NTM: variants seen among roughly 807,000 people sequenced by gnomAD.
The protein encoded by NTM is neurotrimin.
NTM carries 13 observed loss-of-function variants against 42.1 expected under a neutral mutation model. That is an observed-to-expected ratio of 0.31 (90% CI 0.20 to 0.49). The LOEUF is 0.49. Among genes scored for constraint, NTM ranks in the 20% least tolerant of loss-of-function variants. The pLI is 0.99. For synonymous variants in NTM, 187 were observed against 179.2 expected (o/e 1.04, Z -0.35); for missense variants, 373 against 452.8 (o/e 0.82, Z 1.60).
At chr11:131,419,174 ACAAAC>A (rs1947257788) in intron 1 of NTM, among the ~76,000 whole-genome samples, 2 of 152,114 alleles carry the variant, frequency 1.3e-5, no homozygotes, top group Admixed American at 1.3e-4. Context: ...AAACAAACAA[ACAAAC>A]AAACAAAAAC....
chr11:131,714,421 C>G (rs982788527), intron 1 of NTM, among the ~76,000 whole-genome samples: 19 of 152,100 alleles, frequency 1.2e-4, no homozygotes, highest in Admixed American at 5.9e-4. Flanking sequence ...GAACTCCTGA[C>G]TTCAGGTGAT....
At chr11:131,904,375 G>A (rs2053575749) in intron 1 of NTM, among the ~76,000 whole-genome samples, 1 of 152,132 alleles carries the variant, frequency 6.6e-6, no homozygotes, top group Admixed American at 6.5e-5. Flanking sequence ...GGCTCTTTCT[G>A]TTTGAGAAGG....
chr11:131,903,311 C>T (rs1436865331), intron 1 of NTM, among the ~76,000 whole-genome samples: 1 of 152,188 alleles, frequency 6.6e-6, no homozygotes, highest in African/African-American at 2.4e-5. Flanking sequence ...CATGTCCCAG[C>T]TAGGCTTTAG....
At chr11:131,375,342 T>A (rs1297704299) in intron 1 of NTM, among the ~76,000 whole-genome samples, 1 of 152,250 alleles carries the variant, frequency 6.6e-6, no homozygotes, top group Non-Finnish European at 1.5e-5. Context: ...TTCTGCTCTA[T>A]TGTCTTGTTA....
At chr11:131,866,621 T>C (rs1335632521) in intron 1 of NTM, among the ~76,000 whole-genome samples, 5 of 152,242 alleles carry the variant, frequency 3.3e-5, no homozygotes, top group African/African-American at 4.8e-5. Flanking sequence ...GCGCCCTCCA[T>C]GGCGCCCAAG....
chr11:131,580,499 C>G (rs1408272034), intron 1 of NTM, among the ~76,000 whole-genome samples: 1 of 151,946 alleles, frequency 6.6e-6, no homozygotes, highest in Admixed American at 6.6e-5. Flanking sequence ...AGAGAGAGAA[C>G]AAAGGTTAAG....
intron 1 of NTM, among the ~76,000 whole-genome samples, chr11:131,437,536 T>C (rs1949249426): frequency 6.6e-6 from 1 of 152,040 alleles, no homozygotes; most frequent in Admixed American, 6.5e-5. Context: ...TATCATTATG[T>C]AATGGCCTTC....
intron 7 of NTM, among the ~76,000 whole-genome samples, chr11:132,327,733 G>C (rs2095712858): frequency 1.3e-5 from 2 of 152,044 alleles, no homozygotes; most frequent in South Asian, 4.2e-4. Flanking sequence ...TGGGATGGGA[G>C]GGTTCTTTTT....
intron 2 of NTM, among the ~76,000 whole-genome samples, chr11:131,930,601 C>G (rs1449547768): frequency 6.6e-6 from 1 of 152,020 alleles, no homozygotes; most frequent in Non-Finnish European, 1.5e-5. Context: ...AGAAATAGAA[C>G]CTTCTATTAC....
At chr11:131,536,497 T>C (rs1242682055) in intron 1 of NTM, 3 of 152,218 alleles carry the variant, frequency 2.0e-5, no homozygotes, top group Non-Finnish European at 4.4e-5. Flanking sequence ...AAAGTTTTTA[T>C]TATTTTTATA....
intron 3 of NTM, among the ~76,000 whole-genome samples, chr11:132,164,127 C>T (rs1243274900): frequency 6.6e-6 from 1 of 152,178 alleles, no homozygotes; most frequent in Middle Eastern, 3.2e-3. Flanking sequence ...TGTGAGGGAA[C>T]AAAATACAAT....
chr11:132,072,913 G>A (rs577070455), intron 2 of NTM, among the ~76,000 whole-genome samples: 1 of 152,282 alleles, frequency 6.6e-6, no homozygotes, highest in African/African-American at 2.4e-5. Flanking sequence ...GAACTCTTCT[G>A]AGAGAATAAG....
intron 1 of NTM, among the ~76,000 whole-genome samples, chr11:131,428,880 C>CAAAAAAAAAAAAAAAAA (rs35312475): frequency 6.0e-5 from 5 of 84,008 alleles, no homozygotes; most frequent in African/African-American, 9.3e-5. Flanking sequence ...ACTAAAAATA[C>CAAAAAAAAAAAAAAAAA]AAAAAAAAAA....
chr11:131,373,250 A>G (rs911609820), intron 1 of NTM, among the ~76,000 whole-genome samples: 6 of 152,170 alleles, frequency 3.9e-5, no homozygotes, highest in African/African-American at 1.4e-4. Flanking sequence ...GCCTGCAATA[A>G]TCCACCCCTA....
intron 1 of NTM, among the ~76,000 whole-genome samples, chr11:131,900,065 T>C (rs1248281346): frequency 6.6e-6 from 1 of 151,926 alleles, no homozygotes; most frequent in Non-Finnish European, 1.5e-5. Context: ...GTATTCTGAG[T>C]GTTATGCGAG....
chr11:131,587,446 C>T (rs1410210387), intron 1 of NTM, among the ~76,000 whole-genome samples: 1 of 141,596 alleles, frequency 7.1e-6, no homozygotes, highest in African/African-American at 2.6e-5. Flanking sequence ...AGACTCTGTC[C>T]AAAAAAAAAA....
Position 131,696,913 on chromosome 11 carries a change from T to C in NTM, c.83-214651T>C, listed in dbSNP as rs191176482. Reference sequence around the variant, plus strand: ...TTTAAAGGACTGACATTCCTCGGGTTATGGAAAACAATAATAATAAATCTT... The same window carrying C: ...TTTAAAGGACTGACATTCCTCGGGTCATGGAAAACAATAATAATAAATCTT... On this transcript the variant is annotated intron_variant, in intron 1 of 8. Transcript: ENST00000683400. Among the ~76,000 whole-genome samples, 416 of 152,238 alleles carry C rather than the reference T, an allele frequency of 2.7e-3. 2 individuals are homozygous for C. The highest frequency in any genetic ancestry group is 9.3e-3 in the African/African-American group (388 of 41,540).
At chr11:132,236,939 G>T (rs1013478899) in intron 4 of NTM, among the ~76,000 whole-genome samples, 13 of 152,158 alleles carry the variant, frequency 8.5e-5, no homozygotes, top group Non-Finnish European at 1.5e-4. Flanking sequence ...TTCAAGAGAG[G>T]GGAGACCAGG....
chr11:132,055,161 T>C (rs1299043475), intron 2 of NTM, among the ~76,000 whole-genome samples: 2 of 152,204 alleles, frequency 1.3e-5, no homozygotes, highest in African/African-American at 4.8e-5. Flanking sequence ...TCTTTGACTG[T>C]CAATCTTCAT....
Sources: allele counts gnomAD v4.1 joint callset (sites outside exome capture counted in the v4.1 genomes callset), GRCh38; gene constraint gnomAD v4.1.1; transcripts MANE v1.5; gene names NCBI Gene and HGNC (gene_info 2026-07-23, HGNC 2026-07-21).